The following ADA variants were observed in gnomAD, a reference collection of about 807,000 sequenced individuals.
The protein encoded by ADA is adenosine deaminase, also known as adenosine aminohydrolase.
Under a neutral mutation model 49.0 loss-of-function variants are expected in ADA, and 45 were observed. That is an observed-to-expected ratio of 0.92 (90% CI 0.72 to 1.18). The LOEUF (loss-of-function observed/expected upper bound fraction) is 1.18. ADA is among the 50% of genes most tolerant of loss of function. The probability of loss-of-function intolerance (pLI) is 0.00; values close to 1 mark genes in which losing one functional copy is unlikely to be tolerated. For synonymous variants in ADA, 173 were observed against 184.2 expected (o/e 0.94, Z 0.49); for missense variants, 445 against 472.5 (o/e 0.94, Z 0.54).
chr20:44,634,101 CCTTT>C (rs2065457744), intron 2 of ADA, among the ~76,000 whole-genome samples: 1 of 152,230 alleles, frequency 6.6e-6, no homozygotes, highest in South Asian at 2.1e-4. Context: ...GCTCCTTTCC[CCTTT>C]CTCTTAGCCC....
intron 9 of ADA, among the ~76,000 whole-genome samples, chr20:44,622,218 A>G (rs2065338772): frequency 6.6e-6 from 1 of 152,224 alleles, no homozygotes; most frequent in Non-Finnish European, 1.5e-5. Context: ...CCCAAGGGCC[A>G]GGTGTCAGGA....
At chr20:44,620,270 A>G in intron 11 of ADA, 29 bp downstream of exon 11, 1 of 1,583,202 alleles carries the variant, frequency 6.3e-7, no homozygotes, top group Non-Finnish European at 8.7e-7. Context: ...GGACAGGGCA[A>G]CTGCCCAGAA....
chr20:44,649,513 G>A (rs1291013833), intron 1 of ADA, among the ~76,000 whole-genome samples: 1 of 152,036 alleles, frequency 6.6e-6, no homozygotes, highest in Non-Finnish European at 1.5e-5. Context: ...TCCTCCAGGT[G>A]TGGACACTGA....
intron 2 of ADA, among the ~76,000 whole-genome samples, chr20:44,631,487 C>T (rs2065432659): frequency 6.6e-6 from 1 of 152,180 alleles, no homozygotes. Flanking sequence ...AGTTGTCAAA[C>T]ACTGTTGGGG....
At chr20:44,623,217 T>G in intron 6 of ADA, 139 bp from the exon 7 acceptor site, 1 of 1,258,804 alleles carries the variant, frequency 7.9e-7, no homozygotes, top group Non-Finnish European at 1.1e-6. Context: ...TCTTTTACCC[T>G]CCAAGTCCTT....
In ADA at chr20:44,625,622, C is replaced by T. The variant is rs61732239; in HGVS notation, c.425G>A (p.Arg142Gln). 1,181 of 1,585,270 alleles carry T rather than the reference C, an allele frequency of 7.4e-4. 6 individuals are homozygous for T. In the African/African-American group the frequency reaches 0.013, roughly 18 times the overall value. ...LVGQGLQEGE[R>Q]DFGVKARSIL... Reference sequence around the variant, plus strand: ...GGACCGGGCCTTGACCCCGAAGTCTCGCTCCCCCTCCTGCAGGCCCTGGCC... The same window carrying T: ...GGACCGGGCCTTGACCCCGAAGTCTTGCTCCCCCTCCTGCAGGCCCTGGCC... The change falls in exon 5 of 12, where the codon CGA becomes CAA. Residue 142 changes from arginine to glutamine, a missense_variant. Coordinates refer to ENST00000372874, the MANE Select transcript of ADA (RefSeq NM_000022.4).
At position 44,626,616 on chromosome 20, in the gene ADA, GGGGTT is replaced by G. The variant is rs751208495; in HGVS notation, c.219-22_219-18del. The G allele has an allele frequency of 6.2e-7, 1 of 1,613,754 alleles. No individual in the cohort carries two copies. Among genetic ancestry groups the G allele is most frequent in the Non-Finnish European group, 8.5e-7 (1 of 1,180,004 alleles). On this transcript the variant is annotated intron_variant, in intron 3 of 11. Coordinates refer to ENST00000372874, the MANE Select transcript of ADA (RefSeq NM_000022.4). ...CGGCAGCCCCTGGGAAGGGAAGAAAGGGGTTGGGAACAACCTTCCCCAAGTCCCTT... is the reference window on the plus strand; with the variant it reads ...CGGCAGCCCCTGGGAAGGGAAGAAAGGGGAACAACCTTCCCCAAGTCCCTT...
intron 8 of ADA, 74 bp downstream of exon 8, chr20:44,622,755 C>G: frequency 6.2e-7 from 1 of 1,613,952 alleles, no homozygotes; most frequent in Non-Finnish European, 8.5e-7. Flanking sequence ...TGGGACCCGC[C>G]CTGCTTTCTG....
At chr20:44,625,520 G>A in intron 5 of ADA, 49 bp downstream of exon 5, 1 of 1,508,662 alleles carries the variant, frequency 6.6e-7, no homozygotes, top group Non-Finnish European at 9.0e-7. Context: ...CAGGAGGTCA[G>A]GGCCAGGGTG....
At chr20:44,636,125 A>G in intron 2 of ADA, 102 bp downstream of exon 2, 2 of 1,098,964 alleles carry the variant, frequency 1.8e-6, no homozygotes, top group Admixed American at 2.0e-5. Flanking sequence ...CCACAGGGAG[A>G]CAGGAAGGAA....
chr20:44,623,948 T>G (rs1347330918), intron 6 of ADA: 1 of 504,042 alleles, frequency 2.0e-6, no homozygotes, highest in East Asian at 5.4e-5. Context: ...GATCTCACTA[T>G]GTTGCCCTGG....
chr20:44,622,500 G>C, intron 9 of ADA, 88 bp downstream of exon 9: 1 of 1,481,064 alleles, frequency 6.8e-7, no homozygotes, highest in Non-Finnish European at 9.4e-7. Flanking sequence ...AAAAGACGCG[G>C]CATGGGCTGA....
rs373146145 is a variant in ADA, at chr20:44,621,008, A to G, written c.975+10T>C. ...CCGAGTCAAGGCCAGTATGGCTCAC[A>G]CCCACTCACCAGCCTTTTAAACTCC... On this transcript the variant is annotated intron_variant, in intron 10 of 11. Coordinates refer to ENST00000372874, the MANE Select transcript of ADA (RefSeq NM_000022.4). The G allele has an allele frequency of 6.2e-7, 1 of 1,613,714 alleles. No individual in the cohort carries two copies. The highest frequency in any genetic ancestry group is 8.5e-7 in the Non-Finnish European group (1 of 1,179,970).
chr20:44,624,107 C>T, intron 6 of ADA, 95 bp downstream of exon 6: 1 of 1,505,194 alleles, frequency 6.6e-7, no homozygotes, highest in Non-Finnish European at 9.0e-7. Context: ...ACTCAGGAGA[C>T]ACCATGGTCC....
At chr20:44,624,052 G>T in intron 6 of ADA, 150 bp downstream of exon 6, 1 of 1,148,444 alleles carries the variant, frequency 8.7e-7, no homozygotes, top group Non-Finnish European at 1.2e-6. Context: ...GGCCCAGGGG[G>T]ATTCCAGTTC....
At chr20:44,629,293 G>T in intron 2 of ADA, 124 bp from the exon 3 acceptor site, 5 of 1,404,506 alleles carry the variant, frequency 3.6e-6, no homozygotes, top group Non-Finnish European at 4.9e-6. Context: ...AGACATGGGC[G>T]TCTCTCAGTC....
chr20:44,642,595 G>C (rs2065547235), intron 1 of ADA, among the ~76,000 whole-genome samples: 1 of 152,064 alleles, frequency 6.6e-6, no homozygotes. Context: ...ATGAGGCCAG[G>C]GCAAAGTGGA....
intron 1 of ADA, 75 bp downstream of exon 1, chr20:44,651,500 G>C (rs1258461526): frequency 7.0e-7 from 1 of 1,437,586 alleles, no homozygotes; most frequent in Non-Finnish European, 9.4e-7. Flanking sequence ...TGGACGCCCC[G>C]GGCTGGGCCC....
intron 1 of ADA, among the ~76,000 whole-genome samples, chr20:44,643,701 CA>C (rs1202604955): frequency 2.6e-5 from 4 of 152,202 alleles, no homozygotes; most frequent in African/African-American, 9.6e-5. Flanking sequence ...CTGACCTCTC[CA>C]GAGGGGAATC....
Sources: gnomAD v4.1 joint callset for allele counts (sites outside exome capture counted in the v4.1 genomes callset) on GRCh38, gnomAD v4.1.1 for gene constraint, MANE v1.5 for transcripts, NCBI Gene and HGNC (gene_info 2026-07-23, HGNC 2026-07-21) for gene names.